PRIM1: variants seen among roughly 807,000 people sequenced by gnomAD.
The protein encoded by PRIM1 is DNA primase small subunit.
Under a neutral mutation model 60.2 loss-of-function variants are expected in PRIM1, and 38 were observed. The observed-to-expected ratio is 0.63, with a 90% CI of 0.49 to 0.83. The LOEUF is 0.83. PRIM1 is among the 40% of genes least tolerant of loss of function. The probability of loss-of-function intolerance (pLI) is 0.00; values close to 1 mark genes in which losing one functional copy is unlikely to be tolerated. For missense variants in PRIM1, 388 were observed against 506.2 expected, an observed-to-expected ratio of 0.77 and a Z score of 2.24; for synonymous variants, 158 against 160.2, an observed-to-expected ratio of 0.99 and a Z score of 0.10.
intron 6 of PRIM1, chr12:56,743,420 A>G (rs1300411676): frequency 5.6e-6 from 1 of 178,056 alleles, no homozygotes; most frequent in Non-Finnish European, 1.2e-5. Context: ...TCAGTAGTAG[A>G]ATGTGGGATG....
In PRIM1 at chr12:56,743,854, C is replaced by T. The variant is rs12299016; in HGVS notation, c.638+211G>A. The T allele has an allele frequency of 1.4e-3, 624 of 431,660 alleles. 4 individuals are homozygous for T. The highest frequency in any genetic ancestry group is 0.012 in the African/African-American group (583 of 49,930). 26.7% of individuals were successfully genotyped at this position (431,660 alleles called of 1,614,324 possible). A position where few individuals can be genotyped will look rare whatever the true frequency, so the allele number is the denominator to read the frequency against. On this transcript the variant is annotated intron_variant, in intron 6 of 12. Coordinates refer to ENST00000338193, the MANE Select transcript of PRIM1 (RefSeq NM_000946.3). The stretch of plus-strand genomic sequence containing the variant: ...CCTTATCTATAAATGGAGATACCAT[C>T]AAGTCTCTTGTGGGGTTTTTTTGAA...
At chr12:56,742,853 A>G in intron 7 of PRIM1, 134 bp downstream of exon 7, 1 of 649,752 alleles carries the variant, frequency 1.5e-6, no homozygotes, top group Non-Finnish European at 2.5e-6. Context: ...AAATCCAGAA[A>G]TACAGGAGAT....
At chr12:56,738,384 T>G (rs1445268925) in intron 11 of PRIM1, 50 bp downstream of exon 11, 1 of 1,515,228 alleles carries the variant, frequency 6.6e-7, no homozygotes. Context: ...CAGATGGATA[T>G]CTATATAAAA....
Position 56,746,767 on chromosome 12 carries a change from C to CTGCTGATACTTGCCCTTCAA in PRIM1, c.436_442+13dup, listed in dbSNP as rs1953911030. On this transcript the variant is annotated intron_variant, in intron 4 of 12. Transcript: ENST00000338193. ...TCTTACACTTGACCCCATTCAGAAA[C>CTGCTGATACTTGCCCTTCAA]TGCTGATACTTGCCCTTCAATGCTC... 1 of 1,612,688 alleles carries CTGCTGATACTTGCCCTTCAA rather than the reference C, an allele frequency of 6.2e-7. No individual in the cohort carries two copies.
At chr12:56,752,153 C>T (rs745717603) in intron 1 of PRIM1, 43 bp downstream of exon 1, 1 of 1,419,536 alleles carries the variant, frequency 7.0e-7, no homozygotes, top group Non-Finnish European at 9.7e-7. Context: ...CGCCTCCAAC[C>T]TCCTCACACT....
At chr12:56,747,085 T>C in intron 2 of PRIM1, 53 bp from the exon 3 acceptor site, 2 of 1,418,408 alleles carry the variant, frequency 1.4e-6, no homozygotes, top group East Asian at 2.4e-5. Flanking sequence ...CACTGCTAAA[T>C]CTGCTTATTT....
rs1433968722 is a variant in PRIM1 at position 56,739,336 on chromosome 12, T to G, written c.1010A>C (p.Gln337Pro). 1 of 1,582,532 alleles carries G rather than the reference T, an allele frequency of 6.3e-7. No individual in the cohort carries two copies. Among genetic ancestry groups the G allele is most frequent in the South Asian group, 1.2e-5 (1 of 86,594 alleles). Residue 337 changes from glutamine to proline, a missense_variant, in exon 10 of 13, where the codon CAG becomes CCG. Gln to Pro is a moderately conservative substitution (Grantham distance 76). Coordinates refer to ENST00000338193, the MANE Select transcript of PRIM1 (RefSeq NM_000946.3). Reference sequence around the variant, plus strand: ...AAATGGATCAAACTGGTCCACTTTCTGCAAATCAATAGGCACAGATATGCG... The same window carrying G: ...AAATGGATCAAACTGGTCCACTTTCGGCAAATCAATAGGCACAGATATGCG... Reference protein sequence around the residue: ...TGRISVPIDLQKVDQFDPFTV... With the variant: ...TGRISVPIDLPKVDQFDPFTV...
intron 12 of PRIM1, among the ~76,000 whole-genome samples, 164 bp from the exon 13 acceptor site, chr12:56,731,898 G>C (rs1013602323): frequency 6.6e-6 from 1 of 152,318 alleles, no homozygotes; most frequent in East Asian, 1.9e-4. Context: ...AGCTAGTATG[G>C]AACAGTGAGG....
intron 2 of PRIM1, among the ~76,000 whole-genome samples, chr12:56,749,674 C>A (rs1390224475): frequency 2.0e-5 from 3 of 152,186 alleles, no homozygotes; most frequent in Non-Finnish European, 4.4e-5. Context: ...TAAGTGCCAG[C>A]TCTATCATTT....
chr12:56,731,842 C>T, intron 12 of PRIM1, 108 bp from the exon 13 acceptor site: 1 of 857,356 alleles, frequency 1.2e-6, no homozygotes, highest in Non-Finnish European at 1.7e-6. Context: ...ACACATCATG[C>T]ACAAAGATTT....
At chr12:56,749,766 C>T (rs1455379418) in intron 2 of PRIM1, among the ~76,000 whole-genome samples, 1 of 152,104 alleles carries the variant, frequency 6.6e-6, no homozygotes, top group Non-Finnish European at 1.5e-5. Context: ...AGGATTGATA[C>T]AAGTAACAAG....
At chr12:56,742,127 T>C in intron 7 of PRIM1, 1 of 369,330 alleles carries the variant, frequency 2.7e-6, no homozygotes, top group Non-Finnish European at 5.1e-6. Flanking sequence ...GTGGTGCACA[T>C]CTGTAATCCT....
chr12:56,738,503 C>T lies in PRIM1; in HGVS notation c.1075G>A (p.Ala359Thr). ...TTTTCCTCTTCATTAGTGGAAATGG[C>T]ATCCAATTCACGGCAGATGAAGCTG... ...TISFICRELD[A>T]ISTNEEEKEE... The change falls in exon 11 of 13, where the codon GCC (alanine) becomes ACC (threonine). Residue 359 changes from alanine to threonine, a missense_variant. Physicochemically the swap from Ala to Thr is moderately conservative, Grantham distance 58 (BLOSUM62 0). Around this residue, in one of 3 missense-constraint regions of PRIM1, gnomAD observed 211 missense variants for 277.9 expected, o/e 0.76. Transcript: ENST00000338193. The T allele has an allele frequency of 6.3e-7, 1 of 1,582,546 alleles. No individual in the cohort carries two copies. Among genetic ancestry groups the T allele is most frequent in the Non-Finnish European group, 8.6e-7 (1 of 1,162,880 alleles).
Position 56,743,956 on chromosome 12 carries a change from T to C in PRIM1, c.638+109A>G, listed in dbSNP as rs539087478. On this transcript the variant is annotated intron_variant, in intron 6 of 12. Transcript: ENST00000338193. ...TAGGCACTCAATTAACCATAGCTATTATTATTATAAAATGCTACCCAGCAG... is the reference window on the plus strand; with the variant it reads ...TAGGCACTCAATTAACCATAGCTATCATTATTATAAAATGCTACCCAGCAG... The C allele has an allele frequency of 1.2e-4, 86 of 721,578 alleles. No individual in the cohort carries two copies. In the African/African-American group the frequency reaches 1.4e-3, roughly 12 times the overall value. 44.7% of individuals were successfully genotyped at this position (721,578 alleles called of 1,614,324 possible).
rs769941710 is a variant in PRIM1 at position 56,741,735 on chromosome 12, G to C, written c.840+11C>G. The C allele has an allele frequency of 6.2e-7, 1 of 1,609,726 alleles. No individual in the cohort carries two copies. Among genetic ancestry groups the C allele is most frequent in the Admixed American group, 1.7e-5 (1 of 59,722 alleles). ...TATTATATCTGTAATACAGATTTCAGTGGCATATACCTGATATCTGCTGGC... is the reference window on the plus strand; with the variant it reads ...TATTATATCTGTAATACAGATTTCACTGGCATATACCTGATATCTGCTGGC... On this transcript the variant is annotated intron_variant, in intron 8 of 12. Transcript: ENST00000338193.
At chr12:56,748,980 G>A (rs1953927716) in intron 2 of PRIM1, among the ~76,000 whole-genome samples, 1 of 149,680 alleles carries the variant, frequency 6.7e-6, no homozygotes, top group South Asian at 2.2e-4. Flanking sequence ...GAAAGTAGTT[G>A]CTTCTGGGTA....
intron 4 of PRIM1, 87 bp from the exon 5 acceptor site, chr12:56,746,268 T>C: frequency 7.0e-7 from 1 of 1,420,638 alleles, no homozygotes; most frequent in Non-Finnish European, 9.7e-7. Flanking sequence ...TTTCCTGTGC[T>C]CCCCATGTTC....
Position 56,742,969 on chromosome 12 carries a change from G to GT in PRIM1, c.748+17_748+18insA. The stretch of plus-strand genomic sequence containing the variant: ...CAAAACAACTAGCTCACACAGAAAT[G>GT]ATCACGGGAAAGGATATTTTCAGGA... On this transcript the variant is annotated intron_variant, in intron 7 of 12. Transcript: ENST00000338193. 1.3e-6 allele frequency: 2 copies of GT among 1,493,210 alleles called. No homozygotes were observed. The highest frequency in any genetic ancestry group is 1.8e-6 in the Non-Finnish European group (2 of 1,114,842). The allele number at this position is 1,493,210 out of a possible 1,614,324, so 92.5% of individuals were successfully genotyped here.
chr12:56,743,125 C>T (rs1953883716), intron 6 of PRIM1, 29 bp from the exon 7 acceptor site: 1 of 1,494,692 alleles, frequency 6.7e-7, no homozygotes, highest in East Asian at 2.6e-5. Context: ...CAACAGAGTC[C>T]CAACACTATC....
Sources: allele counts gnomAD v4.1 joint callset (sites outside exome capture counted in the v4.1 genomes callset), GRCh38; gene constraint gnomAD v4.1.1; regional missense constraint gnomAD v4.1.1; transcripts MANE v1.5; gene names NCBI Gene and HGNC (gene_info 2026-07-23, HGNC 2026-07-21).